The following SMC2 variants were observed in gnomAD, a reference collection of about 807,000 sequenced individuals.
The protein encoded by SMC2 is structural maintenance of chromosomes protein 2.
SMC2 carries 41 observed loss-of-function variants against 142.6 expected under a neutral mutation model. That is an observed-to-expected ratio of 0.29 (90% CI 0.22 to 0.37). The LOEUF (loss-of-function observed/expected upper bound fraction) is 0.37. SMC2 is among the 10% of genes least tolerant of loss of function. SMC2 has a pLI of 1.00. For synonymous variants in SMC2, 463 were observed against 457.5 expected (o/e 1.01, Z -0.15); for missense variants, 1,265 against 1,373.7 (o/e 0.92, Z 1.25).
intron 23 of SMC2, among the ~76,000 whole-genome samples, chr9:104,136,423 A>ATCTT (rs1207764236): frequency 6.6e-6 from 1 of 152,120 alleles, no homozygotes; most frequent in Non-Finnish European, 1.5e-5. Flanking sequence ...AGTTCCCAAT[A>ATCTT]TCTTTAGCTA....
chr9:104,090,007 GA>G (rs1468779445), upstream of SMC2, among the ~76,000 whole-genome samples: 1 of 152,124 alleles, frequency 6.6e-6, no homozygotes, highest in Non-Finnish European at 1.5e-5. Flanking sequence ...TAGTTTTTAG[GA>G]AAAGTGACTT....
At chr9:104,089,870 T>A (rs892068038), upstream of SMC2, among the ~76,000 whole-genome samples, 1 of 152,070 alleles carries the variant, frequency 6.6e-6, no homozygotes. Context: ...ATATTCTCCA[T>A]CTCCTGACCT....
At chr9:104,122,715 G>A (rs985744137) in intron 16 of SMC2, among the ~76,000 whole-genome samples, 2 of 151,980 alleles carry the variant, frequency 1.3e-5, no homozygotes, top group South Asian at 2.1e-4. Flanking sequence ...TTGAAAATGA[G>A]GTTAATAAAT....
In SMC2 at chr9:104,139,180, A is replaced by C; in HGVS notation, c.3459A>C (p.Ala1153=). ...VSLKEGMFNN[A]NVLFKTKFVD... is the part of the protein sequence containing the mutation. ...TAAAAGAAGGTATGTTCAACAATGC[A>C]AACGTTCTTTTCAAAACCAAGTTTG... Residue 1153 remains alanine, a synonymous_variant, in exon 25 of 25, where the codon GCA becomes GCC. Transcript: ENST00000374793. The C allele has an allele frequency of 6.3e-7, 1 of 1,599,216 alleles. No individual in the cohort carries two copies. The highest frequency in any genetic ancestry group is 1.1e-5 in the South Asian group (1 of 87,218).
At chr9:104,093,475 G>A (rs960442759), upstream of SMC2, among the ~76,000 whole-genome samples, 5 of 152,046 alleles carry the variant, frequency 3.3e-5, no homozygotes, top group African/African-American at 7.2e-5. Flanking sequence ...GTAAAACGAG[G>A]GCAATTTCTG....
chr9:104,123,329 T>G (rs1833934161), intron 17 of SMC2, 97 bp downstream of exon 17: 2 of 1,244,182 alleles, frequency 1.6e-6, no homozygotes, highest in South Asian at 1.7e-5. Context: ...TTAAGATATA[T>G]ATGATAAAGT....
upstream of SMC2, chr9:104,092,640 T>G (rs1207801748): frequency 6.6e-6 from 1 of 152,196 alleles, no homozygotes; most frequent in Non-Finnish European, 1.5e-5. Context: ...CTACCCATGG[T>G]TGACATCACA....
intron 24 of SMC2, 43 bp downstream of exon 24, chr9:104,138,208 C>T: frequency 6.8e-7 from 1 of 1,472,074 alleles, no homozygotes. Flanking sequence ...TTTAATTAGA[C>T]TATTTTTCTA....
At chr9:104,110,487 C>G (rs1832304757) in intron 9 of SMC2, among the ~76,000 whole-genome samples, 1 of 151,996 alleles carries the variant, frequency 6.6e-6, no homozygotes, top group Non-Finnish European at 1.5e-5. Context: ...ATTGGTAAGG[C>G]TTTGGTTAAC....
intron 16 of SMC2, among the ~76,000 whole-genome samples, chr9:104,121,614 T>C (rs1449482308): frequency 6.6e-6 from 1 of 152,238 alleles, no homozygotes; most frequent in East Asian, 1.9e-4. Context: ...TGAATACAAT[T>C]TAAAAAATCT....
intron 7 of SMC2, 123 bp downstream of exon 7, chr9:104,100,556 T>TC: frequency 3.2e-6 from 2 of 633,654 alleles, no homozygotes; most frequent in South Asian, 4.1e-5. Flanking sequence ...AGATAAGGAA[T>TC]TAGAGTTGGC....
At chr9:104,128,974 G>A (rs1245597079) in intron 20 of SMC2, among the ~76,000 whole-genome samples, 3 of 152,124 alleles carry the variant, frequency 2.0e-5, no homozygotes, top group Admixed American at 6.6e-5. Context: ...CTTCTCATAA[G>A]TTGTGTTTTG....
intron 17 of SMC2, among the ~76,000 whole-genome samples, chr9:104,123,763 TG>T (rs1833981219): frequency 1.3e-5 from 2 of 152,252 alleles, no homozygotes; most frequent in East Asian, 3.9e-4. Flanking sequence ...GGCTATGTAC[TG>T]GTCTTTTAAT....
chr9:104,103,450 A>G (rs1831391430), intron 9 of SMC2, among the ~76,000 whole-genome samples: 1 of 152,220 alleles, frequency 6.6e-6, no homozygotes, highest in African/African-American at 2.4e-5. Flanking sequence ...TAAATTCTAT[A>G]TTGACAGAAA....
At chr9:104,097,508 GAA>G (rs59646608) in intron 3 of SMC2, among the ~76,000 whole-genome samples, 49,040 of 121,436 alleles carry the variant, frequency 0.4, 8,971 homozygotes, top group Middle Eastern at 0.5. Context: ...GCCTCTGGTT[GAA>G]AAAAAAAAAA....
rs568883658 is a variant in SMC2, at chr9:104,117,483, A to G, written c.1792-688A>G. Among the ~76,000 whole-genome samples the G allele has an allele frequency of 2.6e-5, 4 of 152,334 alleles. No homozygotes were observed. In the East Asian group the frequency reaches 7.7e-4, roughly 29 times the overall value. ...GCTGAGAAGAAGCATTGTGATCAAA[A>G]TAGAGGACTGGGGATTTTTTAAATT... On this transcript the variant is annotated intron_variant, in intron 14 of 24. Coordinates refer to ENST00000374793, the MANE Select transcript of SMC2 (RefSeq NM_006444.3).
Position 104,113,450 on chromosome 9 carries a change from T to G in SMC2, c.1389T>G (p.Ala463=). ...AVKRLKEKLE[A]EMKKLNYEEN... ...AAAGACTTAAAGAAAAACTTGAAGC[T>G]GAAATGAAAAAGCTAAATTATGAAG... The change falls in exon 11 of 25, where the codon GCT becomes GCG. Residue 463 remains alanine, a synonymous_variant. Transcript: ENST00000374793. 6.3e-7 allele frequency: 1 copy of G among 1,599,908 alleles called. No homozygotes were observed. The highest frequency in any genetic ancestry group is 1.1e-5 in the South Asian group (1 of 88,084).
intron 21 of SMC2, among the ~76,000 whole-genome samples, chr9:104,130,758 TG>T (rs1834875627): frequency 6.6e-6 from 1 of 152,186 alleles, no homozygotes; most frequent in South Asian, 2.1e-4. Context: ...AGGAAAACTT[TG>T]GTCTGAATTT....
chr9:104,118,437 A>G, intron 15 of SMC2, 62 bp downstream of exon 15: 1 of 1,417,350 alleles, frequency 7.1e-7, no homozygotes, highest in East Asian at 2.3e-5. Flanking sequence ...TGCCTTTTTT[A>G]AGTACATTTT....
Sources: gnomAD v4.1 joint callset for allele counts (sites outside exome capture counted in the v4.1 genomes callset) on GRCh38, gnomAD v4.1.1 for gene constraint, MANE v1.5 for transcripts, NCBI Gene and HGNC (gene_info 2026-07-23, HGNC 2026-07-21) for gene names.